ACO2: variants seen among roughly 807,000 people sequenced by gnomAD.
ACO2 encodes the protein aconitate hydratase, mitochondrial.
In ACO2, 31 loss-of-function variants were observed where a neutral mutation model predicts 84.5. That is an observed-to-expected ratio of 0.37 (90% CI 0.28 to 0.50). ACO2 has a LOEUF of 0.50. Ranked by LOEUF, ACO2 falls within the 20% of genes least tolerant of loss-of-function variation. ACO2 has a pLI of 0.97. For missense variants in ACO2, 685 were observed against 1,029.3 expected (o/e 0.67, Z 4.58); for synonymous variants, 414 against 412.7 (o/e 1.00, Z -0.04).
At chr22:41,518,916 A>G (rs2066497354) in intron 8 of ACO2, among the ~76,000 whole-genome samples, 1 of 152,240 alleles carries the variant, frequency 6.6e-6, no homozygotes, top group African/African-American at 2.4e-5. Flanking sequence ...ACTGCACTCC[A>G]GCCTGGGCGA....
At position 41,508,116 on chromosome 22, in the gene ACO2, C is replaced by G. The variant is rs1230275107; in HGVS notation, c.432+67C>G. ...CTGGGCGAGAGGCCTCACCCTCACA[C>G]TGGAGCAAACCAGGGCATTGCCTCC... On this transcript the variant is annotated intron_variant, in intron 3 of 17. Coordinates refer to ENST00000216254, the MANE Select transcript of ACO2 (RefSeq NM_001098.3). 12 of 1,545,906 alleles carry G rather than the reference C, an allele frequency of 7.8e-6. No individual in the cohort carries two copies. The South Asian group carries it at 1.1e-4, about 14-fold the overall frequency.
intron 1 of ACO2, among the ~76,000 whole-genome samples, chr22:41,484,668 T>C (rs185097816): frequency 1.3e-5 from 2 of 152,042 alleles, no homozygotes; most frequent in African/African-American, 4.8e-5. Flanking sequence ...GTATTTTACA[T>C]ATTACATAAT....
intron 1 of ACO2, among the ~76,000 whole-genome samples, chr22:41,480,840 G>C (rs1458798839): frequency 6.6e-6 from 1 of 152,018 alleles, no homozygotes; most frequent in African/African-American, 2.4e-5. Context: ...TTCCGAGATG[G>C]AGTCTTGCTC....
At chr22:41,495,289 T>C (rs2066304745) in intron 1 of ACO2, among the ~76,000 whole-genome samples, 1 of 152,186 alleles carries the variant, frequency 6.6e-6, no homozygotes, top group African/African-American at 2.4e-5. Context: ...TGCCTCAGCC[T>C]CCCAAAGTGT....
chr22:41,477,972 G>A (rs768636404), intron 1 of ACO2, among the ~76,000 whole-genome samples: 9 of 151,772 alleles, frequency 5.9e-5, no homozygotes, highest in Non-Finnish European at 1.2e-4. Flanking sequence ...GGCTGAGGCA[G>A]AAGAATCGCT....
chr22:41,487,848 C>G (rs2066241647), intron 1 of ACO2, among the ~76,000 whole-genome samples: 1 of 152,132 alleles, frequency 6.6e-6, no homozygotes, highest in Admixed American at 6.6e-5. Flanking sequence ...GTTGCCTTCC[C>G]CATTTCGTTT....
In ACO2 at chr22:41,517,463, G is replaced by A. The variant is rs184738307; in HGVS notation, c.836-64G>A. 5.8e-4 allele frequency: 788 copies of A among 1,353,134 alleles called. 2 individuals are homozygous for A. The highest frequency in any genetic ancestry group is 5.1e-4 in the Non-Finnish European group (486 of 954,106). The allele number at this position is 1,353,134 out of a possible 1,614,324, so 83.8% of individuals were successfully genotyped here. A position where few individuals can be genotyped will look rare whatever the true frequency, so the allele number is the denominator to read the frequency against. ...CTGGTGTGAAGATGCAGGTGGCCGC[G>A]TAGCAGGTGTGTGGGACCCTGGCCC... On this transcript the variant is annotated intron_variant, in intron 6 of 17. Transcript: ENST00000216254.
chr22:41,513,818 C>T (rs550795825), intron 4 of ACO2, among the ~76,000 whole-genome samples: 1 of 152,340 alleles, frequency 6.6e-6, no homozygotes, highest in African/African-American at 2.4e-5. Flanking sequence ...CCCTCACCCC[C>T]ATCTGTCCAG....
At chr22:41,500,469 C>G (rs1039122774) in intron 2 of ACO2, among the ~76,000 whole-genome samples, 9 of 151,666 alleles carry the variant, frequency 5.9e-5, no homozygotes, top group Admixed American at 5.3e-4. Context: ...ACTGCAACCT[C>G]TGTCTCCCCA....
intron 12 of ACO2, among the ~76,000 whole-genome samples, 158 bp downstream of exon 12, chr22:41,524,099 C>G (rs964120672): frequency 6.6e-6 from 1 of 152,182 alleles, no homozygotes; most frequent in African/African-American, 2.4e-5. Flanking sequence ...TGCTTCCTGC[C>G]TGGGGCTCCC....
intron 14 of ACO2, among the ~76,000 whole-genome samples, 166 bp downstream of exon 14, chr22:41,525,514 C>T (rs1043853029): frequency 6.6e-6 from 1 of 152,210 alleles, no homozygotes; most frequent in Non-Finnish European, 1.5e-5. Flanking sequence ...CAACGCAGTC[C>T]AGCGTCCCCC....
intron 1 of ACO2, among the ~76,000 whole-genome samples, chr22:41,493,033 C>T (rs1331379384): frequency 1.3e-5 from 2 of 152,212 alleles, no homozygotes; most frequent in African/African-American, 2.4e-5. Flanking sequence ...CTGGTGAGGG[C>T]CATCATGCTG....
At chr22:41,500,078 C>T (rs2066343194) in intron 2 of ACO2, among the ~76,000 whole-genome samples, 1 of 152,068 alleles carries the variant, frequency 6.6e-6, no homozygotes, top group Non-Finnish European at 1.5e-5. Context: ...ATCAAGAAGC[C>T]TCTAGATGTG....
chr22:41,513,320 A>G (rs776570037), intron 4 of ACO2, among the ~76,000 whole-genome samples: 3 of 152,256 alleles, frequency 2.0e-5, no homozygotes, highest in Non-Finnish European at 4.4e-5. Flanking sequence ...GCTGCTAAGC[A>G]TACAGCAGCT....
intron 8 of ACO2, among the ~76,000 whole-genome samples, 159 bp downstream of exon 8, chr22:41,518,731 C>G (rs1219590384): frequency 6.7e-6 from 1 of 148,340 alleles, no homozygotes; most frequent in Non-Finnish European, 1.5e-5. Context: ...GTCAGCAGTT[C>G]AAGACCAGCC....
chr22:41,522,716 G>GC lies in ACO2; in HGVS notation c.1139-111dup. The GC allele has an allele frequency of 2.4e-6, 3 of 1,244,564 alleles. No individual in the cohort carries two copies. In the South Asian group the frequency reaches 4.5e-5, roughly 19 times the overall value. 77.1% of individuals were successfully genotyped at this position (1,244,564 alleles called of 1,614,324 possible). ...CTGGTCTCTGTTAAAAAAGTCTCTG[G>GC]CCCAGCCCAGATGGTGAACTCTTTT... is the stretch of plus-strand genomic sequence containing the variant. On this transcript the variant is annotated intron_variant, in intron 9 of 17. Transcript: ENST00000216254.
At chr22:41,498,617 TG>T (rs1426312670) in intron 1 of ACO2, among the ~76,000 whole-genome samples, 1 of 152,154 alleles carries the variant, frequency 6.6e-6, no homozygotes, top group African/African-American at 2.4e-5. Flanking sequence ...AAGAGGCCCC[TG>T]TTCCTGTCTA....
chr22:41,520,102 A>G (rs1359743350), intron 8 of ACO2, 69 bp from the exon 9 acceptor site: 1 of 1,396,984 alleles, frequency 7.2e-7, no homozygotes, highest in African/African-American at 1.4e-5. Context: ...GAGGCAGTGA[A>G]AGAGGCTGTC....
intron 1 of ACO2, among the ~76,000 whole-genome samples, chr22:41,497,051 C>T (rs938749151): frequency 6.6e-6 from 1 of 151,978 alleles, no homozygotes; most frequent in African/African-American, 2.4e-5. Flanking sequence ...GCAGCTCTTC[C>T]CTTCTTGCTG....
Sources: allele counts gnomAD v4.1 joint callset (sites outside exome capture counted in the v4.1 genomes callset), GRCh38; gene constraint gnomAD v4.1.1; transcripts MANE v1.5; gene names NCBI Gene and HGNC (gene_info 2026-07-23, HGNC 2026-07-21).